UNC80: variants seen among roughly 807,000 people sequenced by gnomAD.
UNC80 encodes the protein unc-80 subunit of NALCN channel complex, also known as protein unc-80 homolog.
UNC80 carries 164 observed loss-of-function variants against 384.6 expected under a neutral mutation model. The ratio of observed to expected loss-of-function variants is 0.43; its 90% CI spans 0.38 to 0.49. The LOEUF is 0.49. Ranked by LOEUF, UNC80 falls within the 20% of genes least tolerant of loss-of-function variation. The pLI is 0.00. For missense variants in UNC80, 3,330 were observed against 4,143.0 expected (o/e 0.80, Z 5.39); for synonymous variants, 1,486 against 1,527.8 (o/e 0.97, Z 0.64).
At chr2:209,956,058 T>C (rs1158113202) in intron 48 of UNC80, among the ~76,000 whole-genome samples, 4 of 152,130 alleles carry the variant, frequency 2.6e-5, no homozygotes, top group South Asian at 2.1e-4. Context: ...TCTCCTCATA[T>C]TACGTAATGT....
chr2:209,820,929 G>T (rs2080089866), intron 13 of UNC80, among the ~76,000 whole-genome samples: 1 of 152,164 alleles, frequency 6.6e-6, no homozygotes, highest in Non-Finnish European at 1.5e-5. Context: ...CGTTATTTCT[G>T]CAAGAGAACA....
At position 209,926,719 on chromosome 2, in the gene UNC80, T is replaced by C. The variant is rs1575041432; in HGVS notation, c.5663-124T>C. Reference sequence around the variant, plus strand: ...TGAGCCCAAGAAGTCGAGGCTGCAGTGAGCAGTGATCATGCCACTGTACTC... The same window carrying C: ...TGAGCCCAAGAAGTCGAGGCTGCAGCGAGCAGTGATCATGCCACTGTACTC... On this transcript the variant is annotated intron_variant, in intron 35 of 64. Coordinates refer to ENST00000673920, the MANE Select transcript of UNC80 (RefSeq NM_001371986.1). 10 of 1,202,774 alleles carry C rather than the reference T, an allele frequency of 8.3e-6. No homozygotes were observed. In the East Asian group the frequency reaches 2.6e-4, roughly 31 times the overall value. 74.5% of individuals were successfully genotyped at this position (1,202,774 alleles called of 1,614,324 possible).
chr2:209,919,813 T>A (rs2089890539), intron 33 of UNC80, among the ~76,000 whole-genome samples: 1 of 152,194 alleles, frequency 6.6e-6, no homozygotes, highest in South Asian at 2.1e-4. Context: ...AACATAAAGT[T>A]ATCTTTGATT....
chr2:209,850,350 GA>G (rs1052018185), intron 22 of UNC80, among the ~76,000 whole-genome samples: 1 of 151,696 alleles, frequency 6.6e-6, no homozygotes, highest in African/African-American at 2.4e-5. Flanking sequence ...TAAACATCAG[GA>G]AAAAAAGTAT....
At chr2:209,858,565 A>C (rs1470453535) in intron 22 of UNC80, among the ~76,000 whole-genome samples, 1 of 151,896 alleles carries the variant, frequency 6.6e-6, no homozygotes, top group African/African-American at 2.4e-5. Context: ...AAAATTAGCC[A>C]TGCCTGTAAT....
intron 52 of UNC80, chr2:209,967,974 A>C (rs145886374): frequency 1.0e-3 from 166 of 165,190 alleles, no homozygotes; most frequent in Middle Eastern, 2.7e-3. Context: ...GAAACAACTA[A>C]TGAGAAAAGA....
intron 22 of UNC80, among the ~76,000 whole-genome samples, chr2:209,862,022 G>A (rs754300204): frequency 6.6e-6 from 1 of 151,886 alleles, no homozygotes; most frequent in Non-Finnish European, 1.5e-5. Flanking sequence ...CATTTTTCAT[G>A]TCTTTATCTC....
Position 209,913,957 on chromosome 2 carries a change from T to A in UNC80, c.5029+17T>A. On this transcript the variant is annotated intron_variant, in intron 31 of 64. Transcript: ENST00000673920. ...GGGCAGCAGGTAAAGAAAGACCACC[T>A]GGAACCCTGTGCCTGCTGCCACTGC... The A allele has an allele frequency of 6.5e-7, 1 of 1,529,384 alleles. No individual in the cohort carries two copies. The highest frequency in any genetic ancestry group is 2.5e-5 in the East Asian group (1 of 40,442). The allele number at this position is 1,529,384 out of a possible 1,614,324, so 94.7% of individuals were successfully genotyped here.
At chr2:209,985,714 G>A (rs2093273478) in intron 61 of UNC80, among the ~76,000 whole-genome samples, 1 of 152,198 alleles carries the variant, frequency 6.6e-6, no homozygotes, top group African/African-American at 2.4e-5. Flanking sequence ...TTAGGGGTAA[G>A]GCTTCTTGTT....
At chr2:209,815,436 A>G in intron 9 of UNC80, 45 bp downstream of exon 9, 2 of 1,533,914 alleles carry the variant, frequency 1.3e-6, no homozygotes, top group Non-Finnish European at 1.8e-6. Context: ...GTAAATAAAA[A>G]ATGTCAGTGG....
intron 21 of UNC80, among the ~76,000 whole-genome samples, chr2:209,847,391 T>TAATGCTATATAAATAC (rs757935736): frequency 6.6e-6 from 1 of 152,062 alleles, no homozygotes; most frequent in Non-Finnish European, 1.5e-5. Context: ...TCTTATCTAT[T>TAATGCTATATAAATAC]AATGCTATAT....
Position 209,829,236 on chromosome 2 carries a change from A to G in UNC80, c.2483A>G (p.Gln828Arg), listed in dbSNP as rs1335294320. 6 of 1,551,094 alleles carry G rather than the reference A, an allele frequency of 3.9e-6. No homozygotes were observed. Among genetic ancestry groups the G allele is most frequent in the Non-Finnish European group, 4.4e-6 (5 of 1,146,622 alleles). Residue 828 changes from glutamine to arginine, a missense_variant, in exon 15 of 65, where the codon CAG becomes CGG. By Grantham distance (43) the Gln-to-Arg change is conservative. This residue lies in a region of UNC80 where 937 missense variants were observed against 1,026.8 expected (regional missense o/e 0.91). Transcript: ENST00000673920. Reference sequence around the variant, plus strand: ...ACTTTTCTTCCTTCATTGCAGGCCCAGAACTGCCTCACTAAGCTATACAAG... The same window carrying G: ...ACTTTTCTTCCTTCATTGCAGGCCCGGAACTGCCTCACTAAGCTATACAAG... ...LRHQVFRENA[Q>R]NCLTKLYKLD...
intron 6 of UNC80, among the ~76,000 whole-genome samples, chr2:209,792,723 A>T (rs905686412): frequency 6.6e-6 from 1 of 152,182 alleles, no homozygotes; most frequent in African/African-American, 2.4e-5. Context: ...ATTAAAAACA[A>T]TTTCACCTGT....
rs1034437698 is a variant in UNC80 at position 209,941,811 on chromosome 2, C to T, written c.6915+322C>T. 1.4e-4 allele frequency among the ~76,000 whole-genome samples: 22 copies of T among 152,234 alleles called. No individual in the cohort carries two copies. In the South Asian group the frequency reaches 1.5e-3, roughly 10 times the overall value. On this transcript the variant is annotated intron_variant, in intron 44 of 64. Transcript: ENST00000673920. ...CATTCTGGTCAGGTGTGGTGGCTCA[C>T]GCCTGTAATGCCAGCACTTTGGGAG... is the stretch of plus-strand genomic sequence containing the variant.
At chr2:209,936,738 G>A (rs757794074) in intron 40 of UNC80, 106 bp from the exon 41 acceptor site, 26 of 705,068 alleles carry the variant, frequency 3.7e-5, no homozygotes, top group Middle Eastern at 2.9e-4. Context: ...GATAATTCTC[G>A]TAAGAGGTTA....
In UNC80 at chr2:209,994,859, G is replaced by A. The variant is rs2093457163; in HGVS notation, c.9709-470G>A. ...AATATAGAACCTCTATGTCCTATAA[G>A]ATGAAAGGAACTTTTTGTTTTCATC... On this transcript the variant is annotated intron_variant, in intron 64 of 64. Coordinates refer to ENST00000673920, the MANE Select transcript of UNC80 (RefSeq NM_001371986.1). Among the ~76,000 whole-genome samples, 3 of 152,222 alleles carry A rather than the reference G, an allele frequency of 2.0e-5. No individual in the cohort carries two copies. In the South Asian group the frequency reaches 6.2e-4, roughly 32 times the overall value.
chr2:209,912,528 C>A, intron 29 of UNC80, 32 bp from the exon 30 acceptor site: 1 of 1,450,394 alleles, frequency 6.9e-7, no homozygotes, highest in Non-Finnish European at 9.4e-7. Flanking sequence ...GAAAACACAT[C>A]ACTCTTCATT....
chr2:209,818,486 A>G (rs566041717), intron 11 of UNC80, among the ~76,000 whole-genome samples: 14 of 152,330 alleles, frequency 9.2e-5, no homozygotes, highest in African/African-American at 3.4e-4. Flanking sequence ...TTCTCATAGA[A>G]GCATAAATTT....
chr2:209,964,409 A>G (rs1443254123), intron 51 of UNC80, among the ~76,000 whole-genome samples: 1 of 152,232 alleles, frequency 6.6e-6, no homozygotes, highest in African/African-American at 2.4e-5. Flanking sequence ...CGAATTAAAT[A>G]CAAAGGCAGT....
Sources: gnomAD v4.1 joint callset for allele counts (sites outside exome capture counted in the v4.1 genomes callset) on GRCh38, gnomAD v4.1.1 for gene constraint, gnomAD v4.1.1 regional missense constraint, MANE v1.5 for transcripts, NCBI Gene and HGNC (gene_info 2026-07-23, HGNC 2026-07-21) for gene names.